Variants in PCSK5 observed in about 807,000 individuals in gnomAD.
PCSK5 encodes proprotein convertase subtilisin/kexin type 5.
A neutral mutation model predicts 233.2 loss-of-function variants in PCSK5; 129 were observed. That is an observed-to-expected ratio of 0.55 (90% CI 0.48 to 0.64). PCSK5 has a LOEUF of 0.64. Ranked by LOEUF, PCSK5 falls within the 30% of genes least tolerant of loss-of-function variation. PCSK5 has a pLI of 0.00. For missense variants in PCSK5, 2,076 were observed against 2,430.1 expected, an observed-to-expected ratio of 0.85 and a Z score of 3.06; for synonymous variants, 825 against 879.2, an observed-to-expected ratio of 0.94 and a Z score of 1.09.
chr9:76,324,018 T>C (rs1232737888), intron 32 of PCSK5, among the ~76,000 whole-genome samples: 1 of 150,740 alleles, frequency 6.6e-6, no homozygotes, highest in Non-Finnish European at 1.5e-5. Flanking sequence ...CTCTGCCTCC[T>C]GGGTTCAAGC....
intron 32 of PCSK5, 29 bp from the exon 33 acceptor site, chr9:76,327,980 C>G (rs758790037): frequency 2.1e-6 from 3 of 1,463,146 alleles, no homozygotes; most frequent in African/African-American, 1.4e-5. Flanking sequence ...CTCTCGCTCA[C>G]TCTGTCTGCT....
intron 1 of PCSK5, among the ~76,000 whole-genome samples, chr9:75,932,025 C>T (rs1823829206): frequency 1.3e-5 from 2 of 152,270 alleles, no homozygotes; most frequent in South Asian, 2.1e-4. Flanking sequence ...AACTAGATAG[C>T]TATTTGATTT....
intron 7 of PCSK5, among the ~76,000 whole-genome samples, chr9:76,077,026 C>T (rs1416910415): frequency 6.6e-6 from 1 of 152,158 alleles, no homozygotes; most frequent in Non-Finnish European, 1.5e-5. Context: ...AAGATAGGTA[C>T]TGTTTTTCCC....
chr9:76,018,381 G>A (rs903243500), intron 3 of PCSK5, among the ~76,000 whole-genome samples: 5 of 152,162 alleles, frequency 3.3e-5, no homozygotes, highest in Non-Finnish European at 7.3e-5. Flanking sequence ...GTTAGGAACC[G>A]GGCTGCACAG....
intron 3 of PCSK5, among the ~76,000 whole-genome samples, chr9:75,992,186 C>G (rs979902341): frequency 2.6e-5 from 4 of 152,196 alleles, no homozygotes; most frequent in Non-Finnish European, 4.4e-5. Context: ...CCCTCGTGAT[C>G]TCTATTTTAG....
Position 76,359,867 on chromosome 9 carries a change from T to G in PCSK5, c.*945T>G, listed in dbSNP as rs188741300. 2 of 152,006 alleles carry G rather than the reference T, an allele frequency of 1.3e-5. No individual in the cohort carries two copies. 9.4% of individuals were successfully genotyped at this position (152,006 alleles called of 1,614,324 possible). A position where few individuals can be genotyped will look rare whatever the true frequency, so the allele number is the denominator to read the frequency against. On this transcript the variant is annotated 3_prime_UTR_variant, in exon 38 of 38. Coordinates refer to ENST00000674117, the MANE Select transcript of PCSK5 (RefSeq NM_001372043.1). ...AACCGTGGACTCTCAATAGAAAGAG[T>G]TGGAATAGAGTCTAACATGGAAAAA...
At chr9:75,896,854 A>T (rs978843779) in intron 1 of PCSK5, among the ~76,000 whole-genome samples, 1 of 152,206 alleles carries the variant, frequency 6.6e-6, no homozygotes, top group Non-Finnish European at 1.5e-5. Flanking sequence ...AAAATTACTC[A>T]TGAGTGTTCT....
At chr9:76,182,292 A>G (rs1022665576) in intron 16 of PCSK5, among the ~76,000 whole-genome samples, 2 of 152,022 alleles carry the variant, frequency 1.3e-5, no homozygotes, top group African/African-American at 4.8e-5. Flanking sequence ...ATCAAAATAT[A>G]CTTTTTAAAA....
chr9:76,125,807 T>C (rs1171331740), intron 9 of PCSK5, among the ~76,000 whole-genome samples: 4 of 152,176 alleles, frequency 2.6e-5, no homozygotes, highest in African/African-American at 9.7e-5. Flanking sequence ...AAGGTCTATG[T>C]GGGGTTTTTT....
At chr9:76,004,708 T>TTTTTGG (rs1827405832) in intron 3 of PCSK5, among the ~76,000 whole-genome samples, 1 of 152,190 alleles carries the variant, frequency 6.6e-6, no homozygotes, top group African/African-American at 2.4e-5. Context: ...CTGACTTTCT[T>TTTTTGG]TTTTGGTTCT....
chr9:76,090,543 C>G (rs551716639), intron 7 of PCSK5, among the ~76,000 whole-genome samples: 2 of 152,294 alleles, frequency 1.3e-5, no homozygotes, highest in South Asian at 2.1e-4. Context: ...ATGGCAGTCT[C>G]TATGCATTCT....
At chr9:76,034,460 A>G (rs1828771077) in intron 5 of PCSK5, among the ~76,000 whole-genome samples, 1 of 152,124 alleles carries the variant, frequency 6.6e-6, no homozygotes, top group Non-Finnish European at 1.5e-5. Flanking sequence ...TTCAGGACCC[A>G]TTCCCTTCCT....
At chr9:76,192,038 C>T (rs1240000172) in intron 20 of PCSK5, among the ~76,000 whole-genome samples, 1 of 136,040 alleles carries the variant, frequency 7.4e-6, no homozygotes, top group African/African-American at 2.9e-5. Flanking sequence ...GAGATCGTGT[C>T]CAGCCTAGGC....
intron 1 of PCSK5, among the ~76,000 whole-genome samples, chr9:75,921,368 G>C (rs1272838393): frequency 6.6e-6 from 1 of 152,152 alleles, no homozygotes; most frequent in Non-Finnish European, 1.5e-5. Flanking sequence ...AGCATGACTG[G>C]ACCGAAAGCG....
chr9:76,115,101 GATATC>G (rs1481981309), intron 9 of PCSK5, among the ~76,000 whole-genome samples: 5 of 152,086 alleles, frequency 3.3e-5, no homozygotes, highest in African/African-American at 1.2e-4. Context: ...GGTAAATTGT[GATATC>G]ATCTATGGAA....
chr9:76,229,414 T>C lies in PCSK5; in HGVS notation c.2729+1809T>C, dbSNP rs73460374. Among the ~76,000 whole-genome samples, 1,212 of 152,322 alleles carry C rather than the reference T, an allele frequency of 8.0e-3. 15 individuals are homozygous for C. Among genetic ancestry groups the C allele is most frequent in the African/African-American group, 0.028 (1,179 of 41,564 alleles). On this transcript the variant is annotated intron_variant, in intron 21 of 37. Transcript: ENST00000674117. ...AAACCTGGAGAAAGCAAGTGACCTC[T>C]TTGCCACTGTATTTAACATGCAAAG...
chr9:75,935,377 T>C (rs941653399), intron 2 of PCSK5, among the ~76,000 whole-genome samples: 1 of 152,218 alleles, frequency 6.6e-6, no homozygotes, highest in Admixed American at 6.6e-5. Context: ...GATATTCACA[T>C]GTATACGTAT....
At chr9:76,300,500 A>G (rs1040775034) in intron 27 of PCSK5, among the ~76,000 whole-genome samples, 16 of 152,214 alleles carry the variant, frequency 1.1e-4, no homozygotes, top group African/African-American at 3.9e-4. Flanking sequence ...GAAATTAGCT[A>G]TGGTGGGAGT....
chr9:76,311,367 A>G (rs527250273), intron 30 of PCSK5, among the ~76,000 whole-genome samples: 2 of 150,956 alleles, frequency 1.3e-5, no homozygotes. Context: ...AAAAAAAAAA[A>G]TTATTTTCCC....
Sources: allele counts gnomAD v4.1 joint callset (sites outside exome capture counted in the v4.1 genomes callset), GRCh38; gene constraint gnomAD v4.1.1; transcripts MANE v1.5; gene names NCBI Gene and HGNC (gene_info 2026-07-23, HGNC 2026-07-21).